Variants in DNAH7 observed in about 807,000 individuals in gnomAD.
DNAH7 encodes the protein dynein axonemal heavy chain 7.
In DNAH7, 397 loss-of-function variants were observed where a neutral mutation model predicts 444.6. The observed-to-expected ratio is 0.89, with a 90% confidence interval of 0.82 to 0.97. The LOEUF is 0.97. Among genes scored for constraint, DNAH7 ranks in the 50% least tolerant of loss-of-function variants. The pLI is 0.00. For synonymous variants in DNAH7, 1,636 were observed against 1,624.4 expected, an observed-to-expected ratio of 1.01 and a Z score of -0.17; for missense variants, 4,902 against 4,800.8, an observed-to-expected ratio of 1.02 and a Z score of -0.62.
chr2:195,752,726 G>GAGA (rs1217250890), intron 63 of DNAH7, among the ~76,000 whole-genome samples: 2 of 152,098 alleles, frequency 1.3e-5, no homozygotes, highest in African/African-American at 4.8e-5. Flanking sequence ...GAAACAAAGA[G>GAGA]AGAAGCATGT....
intron 1 of DNAH7, among the ~76,000 whole-genome samples, chr2:196,065,013 C>T (rs1230775398): frequency 6.6e-5 from 10 of 151,944 alleles, no homozygotes; most frequent in Non-Finnish European, 1.5e-4. Context: ...CCTTTAATTC[C>T]ATTGGTTTAT....
At chr2:195,861,252 C>T (rs1444648909) in intron 42 of DNAH7, among the ~76,000 whole-genome samples, 1 of 151,746 alleles carries the variant, frequency 6.6e-6, no homozygotes, top group Non-Finnish European at 1.5e-5. Context: ...ACAAGTCACC[C>T]TCCAGAACAT....
chr2:195,865,752 C>G (rs1700293620), intron 40 of DNAH7, among the ~76,000 whole-genome samples: 1 of 152,206 alleles, frequency 6.6e-6, no homozygotes, highest in East Asian at 1.9e-4. Context: ...CTCAATGTGA[C>G]TGGATTTGGG....
At chr2:196,033,888 A>G (rs979575262) in intron 5 of DNAH7, among the ~76,000 whole-genome samples, 1 of 152,216 alleles carries the variant, frequency 6.6e-6, no homozygotes, top group Non-Finnish European at 1.5e-5. Context: ...CAATGGCTGC[A>G]CTAATTTACA....
chr2:196,055,523 T>C (rs1457543115), intron 2 of DNAH7, among the ~76,000 whole-genome samples: 2 of 152,134 alleles, frequency 1.3e-5, no homozygotes, highest in Non-Finnish European at 2.9e-5. Context: ...ACCCAAATGG[T>C]TCTGGTTTCT....
chr2:195,843,477 A>G (rs1182637669), intron 47 of DNAH7, among the ~76,000 whole-genome samples: 1 of 152,230 alleles, frequency 6.6e-6, no homozygotes, highest in Non-Finnish European at 1.5e-5. Flanking sequence ...TGGTCTCTTT[A>G]ACTACAGTTT....
Position 195,906,958 on chromosome 2 carries a change from C to G in DNAH7, c.4156G>C (p.Asp1386His). 1 of 1,613,090 alleles carries G rather than the reference C, an allele frequency of 6.2e-7. No homozygotes were observed. The change falls in exon 26 of 65, where the codon GAT (aspartate) becomes CAT (histidine). Residue 1386 changes from aspartate (D) to histidine (H), a missense_variant. By Grantham distance (81) the Asp-to-His change is moderately conservative. Coordinates refer to ENST00000312428, the MANE Select transcript of DNAH7 (RefSeq NM_018897.3). Reference protein sequence around the residue: ...WACFDEFNRIDLEVLSVVAQQ... With the variant: ...WACFDEFNRIHLEVLSVVAQQ... ...GCAACCACAGAGAGTACTTCCAAAT[C>G]AATTCTGTTAAACTCATCAAAGCAA...
At position 195,865,010 on chromosome 2, in the gene DNAH7, C is replaced by T. The variant is rs199880402; in HGVS notation, c.6645G>A (p.Val2215=). The T allele has an allele frequency of 3.1e-6, 5 of 1,596,618 alleles. No individual in the cohort carries two copies. Among genetic ancestry groups the T allele is most frequent in the South Asian group, 1.1e-5 (1 of 90,296 alleles). ...TATTGTCCAGAAGGCGGTCATAATA[C>T]ACTCGAAGGACCTGTATAATAATTA... ...KRLWVHEVLR[V]YYDRLLDNTD... is the part of the protein sequence containing the mutation. The change falls in exon 41 of 65, where the codon GTG becomes GTA. Residue 2215 remains valine, a synonymous_variant. Transcript: ENST00000312428.
chr2:195,986,266 A>G (rs1692900761), intron 14 of DNAH7, among the ~76,000 whole-genome samples: 1 of 152,186 alleles, frequency 6.6e-6, no homozygotes, highest in East Asian at 1.9e-4. Context: ...CTACATTGTA[A>G]CTTCCTTCAG....
intron 37 of DNAH7, 129 bp downstream of exon 37, chr2:195,876,415 C>T (rs905011187): frequency 5.6e-6 from 5 of 896,920 alleles, no homozygotes; most frequent in Admixed American, 2.7e-5. Flanking sequence ...TTAGGAGAAC[C>T]TTTTAATCCA....
chr2:195,926,409 G>A lies in DNAH7; in HGVS notation c.3612+17C>T. ...GAAAAAATGCTTAAAAAAACCCGAGGGTTAATAAAACCTTACCTTTATCCC... is the reference window on the plus strand; with the variant it reads ...GAAAAAATGCTTAAAAAAACCCGAGAGTTAATAAAACCTTACCTTTATCCC... On this transcript the variant is annotated intron_variant, in intron 22 of 64. Transcript: ENST00000312428. 6.7e-7 allele frequency: 1 copy of A among 1,485,780 alleles called. No individual in the cohort carries two copies. The highest frequency in any genetic ancestry group is 8.9e-7 in the Non-Finnish European group (1 of 1,119,992). The allele number at this position is 1,485,780 out of a possible 1,614,324, so 92.0% of individuals were successfully genotyped here.
chr2:195,778,639 AATAAATAT>A (rs1695204032), intron 58 of DNAH7, among the ~76,000 whole-genome samples: 3 of 51,712 alleles, frequency 5.8e-5, no homozygotes, highest in African/African-American at 3.0e-4. Flanking sequence ...AAAATAAATA[AATAAATAT>A]ATATATATAT....
intron 49 of DNAH7, 106 bp from the exon 50 acceptor site, chr2:195,817,935 T>C (rs997466952): frequency 4.1e-6 from 3 of 730,492 alleles, no homozygotes; most frequent in East Asian, 2.8e-5. Context: ...TTACTATATA[T>C]GGTAGTACTT....
chr2:195,833,646 T>A (rs191896275), intron 48 of DNAH7, among the ~76,000 whole-genome samples: 1 of 152,358 alleles, frequency 6.6e-6, no homozygotes, highest in Admixed American at 6.5e-5. Context: ...ATGTGATATC[T>A]ACATAAGAGC....
intron 63 of DNAH7, among the ~76,000 whole-genome samples, chr2:195,744,225 T>A (rs1245708568): frequency 6.6e-6 from 1 of 152,242 alleles, no homozygotes; most frequent in Non-Finnish European, 1.5e-5. Flanking sequence ...CACACCTGGC[T>A]CGGAGGGGCC....
chr2:196,027,093 A>G (rs962623595), intron 6 of DNAH7, among the ~76,000 whole-genome samples, 153 bp from the exon 7 acceptor site: 2 of 152,162 alleles, frequency 1.3e-5, no homozygotes, highest in African/African-American at 4.8e-5. Context: ...GTATTATTTG[A>G]GATCTCCTAA....
In DNAH7 at chr2:195,888,244, C is replaced by A; in HGVS notation, c.5406+14G>T. 2 of 1,582,386 alleles carry A rather than the reference C, an allele frequency of 1.3e-6. No homozygotes were observed. Among genetic ancestry groups the A allele is most frequent in the East Asian group, 2.3e-5 (1 of 43,816 alleles). The stretch of plus-strand genomic sequence containing the variant: ...CCATTTATTTTTTAATCTTAAAATT[C>A]TCATTTCCCTTACCTTTGTATGCTT... On this transcript the variant is annotated intron_variant, in intron 33 of 64. Coordinates refer to ENST00000312428, the MANE Select transcript of DNAH7 (RefSeq NM_018897.3).
intron 13 of DNAH7, 141 bp from the exon 14 acceptor site, chr2:195,987,334 G>T (rs1692987912): frequency 5.3e-6 from 3 of 562,678 alleles, no homozygotes; most frequent in Non-Finnish European, 8.7e-6. Context: ...ATTCAGGGAG[G>T]GTTTTCCAAA....
chr2:195,973,481 G>GT lies in DNAH7; in HGVS notation c.1834-1016dup, dbSNP rs571444623. Among the ~76,000 whole-genome samples the GT allele has an allele frequency of 1.7e-3, 251 of 151,204 alleles. 1 individual carries two copies. The highest frequency in any genetic ancestry group is 3.0e-3 in the Non-Finnish European group (202 of 67,768). The stretch of plus-strand genomic sequence containing the variant: ...TGTTTGTTGTTTTGTTTTTGTTTTT[G>GT]TTTTTTTTGAGATGGAGTCTCACTC... On this transcript the variant is annotated intron_variant, in intron 15 of 64. Coordinates refer to ENST00000312428, the MANE Select transcript of DNAH7 (RefSeq NM_018897.3).
Sources: allele counts gnomAD v4.1 joint callset (sites outside exome capture counted in the v4.1 genomes callset), GRCh38; gene constraint gnomAD v4.1.1; transcripts MANE v1.5; gene names NCBI Gene and HGNC (gene_info 2026-07-23, HGNC 2026-07-21).